Variants in CMBL observed in about 807,000 individuals in gnomAD.
The protein encoded by CMBL is carboxymethylenebutenolidase homolog (Pseudomonas).
CMBL carries 17 observed loss-of-function variants against 28.7 expected under a neutral mutation model. The ratio of observed to expected loss-of-function variants is 0.59; its 90% CI spans 0.41 to 0.89. The LOEUF (loss-of-function observed/expected upper bound fraction) is 0.89. Among genes scored for constraint, CMBL ranks in the 40% least tolerant of loss-of-function variants. CMBL has a pLI of 0.00. For missense variants in CMBL, 310 were observed against 298.5 expected (o/e 1.04, Z -0.28); for synonymous variants, 106 against 101.6 (o/e 1.04, Z -0.26).
At position 10,278,748 on chromosome 5, in the gene CMBL, G is replaced by A. The variant is rs538544735; in HGVS notation, c.*1705C>T. 5.9e-5 allele frequency among the ~76,000 whole-genome samples: 9 copies of A among 152,088 alleles called. No homozygotes were observed. Among genetic ancestry groups the A allele is most frequent in the Middle Eastern group, 3.4e-3 (1 of 294 alleles). On this transcript the variant is annotated 3_prime_UTR_variant, in exon 6 of 6. Coordinates refer to ENST00000296658, the MANE Select transcript of CMBL (RefSeq NM_138809.4). Reference sequence around the variant, plus strand: ...TCTACCCCATCCTAACTTCTTTCCCGGTCAGGGCTCTCCGGGAGAGTGGCT... The same window carrying A: ...TCTACCCCATCCTAACTTCTTTCCCAGTCAGGGCTCTCCGGGAGAGTGGCT...
In CMBL at chr5:10,286,127, A is replaced by G. The variant is rs963612635; in HGVS notation, c.466+227T>C. 8.3e-5 allele frequency: 35 copies of G among 423,920 alleles called. 1 individual carries two copies. The highest frequency in any genetic ancestry group is 1.2e-3 in the Middle Eastern group (2 of 1,688). 26.3% of individuals were successfully genotyped at this position (423,920 alleles called of 1,614,324 possible). A position where few individuals can be genotyped will look rare whatever the true frequency, so the allele number is the denominator to read the frequency against. ...GAATTTAGATTAGGTGGCTTTCCCA[A>G]AGTCACACCACTGGGACCCAGACCT... is the stretch of plus-strand genomic sequence containing the variant. On this transcript the variant is annotated intron_variant, in intron 4 of 5. Coordinates refer to ENST00000296658, the MANE Select transcript of CMBL (RefSeq NM_138809.4).
rs781421726 is a variant in CMBL, at chr5:10,290,721, G to C, written c.42C>G (p.His14Gln). 1 of 1,614,084 alleles carries C rather than the reference G, an allele frequency of 6.2e-7. No homozygotes were observed. The highest frequency in any genetic ancestry group is 2.2e-5 in the East Asian group (1 of 44,898). ...GGCCTAGCCCTCCATACTCAAGTCT[G>C]TGGCCAATGTCACACGGACAAGGAT... ...EAYPCPCDIG[H>Q]RLEYGGLGRE... The change falls in exon 2 of 6, where the codon CAC becomes CAG. Residue 14 changes from histidine (H) to glutamine (Q), a missense_variant. Transcript: ENST00000296658.
intron 2 of CMBL, 106 bp downstream of exon 2, chr5:10,290,442 T>C (rs1162571219): frequency 6.7e-6 from 6 of 892,396 alleles, no homozygotes; most frequent in African/African-American, 5.0e-5. Context: ...TAATGTACAG[T>C]AGATACTGTA....
At chr5:10,290,350 T>C in intron 2 of CMBL, 198 bp downstream of exon 2, 1 of 583,150 alleles carries the variant, frequency 1.7e-6, no homozygotes, top group Non-Finnish European at 3.0e-6. Context: ...AACCCAGGAA[T>C]GGGGTTAGGA....
chr5:10,291,783 C>G (rs1474710018), intron 1 of CMBL, among the ~76,000 whole-genome samples: 2 of 152,184 alleles, frequency 1.3e-5, no homozygotes, highest in Admixed American at 1.3e-4. Context: ...AGTGAACTGC[C>G]TGGAACACCA....
At chr5:10,306,832 C>A (rs552396922) in intron 1 of CMBL, among the ~76,000 whole-genome samples, 1 of 152,186 alleles carries the variant, frequency 6.6e-6, no homozygotes, top group African/African-American at 2.4e-5. Context: ...GACATGCCAA[C>A]GACGCCCCTG....
intron 1 of CMBL, among the ~76,000 whole-genome samples, chr5:10,301,073 T>G (rs1746890034): frequency 6.6e-6 from 1 of 151,888 alleles, no homozygotes; most frequent in Non-Finnish European, 1.5e-5. Flanking sequence ...TTAGGACAAT[T>G]GGTTACCGGG....
At chr5:10,298,647 C>T (rs1027525130) in intron 1 of CMBL, among the ~76,000 whole-genome samples, 4 of 152,188 alleles carry the variant, frequency 2.6e-5, no homozygotes, top group Admixed American at 2.6e-4. Flanking sequence ...AATCCCAGCA[C>T]TCTGGGAGGC....
chr5:10,300,909 A>C (rs1746888053), intron 1 of CMBL, among the ~76,000 whole-genome samples: 1 of 149,982 alleles, frequency 6.7e-6, no homozygotes, highest in South Asian at 2.1e-4. Context: ...AATCTCAAAG[A>C]CATAATGCTA....
chr5:10,303,206 T>A (rs923218373), intron 1 of CMBL, among the ~76,000 whole-genome samples: 1 of 152,186 alleles, frequency 6.6e-6, no homozygotes, highest in South Asian at 2.1e-4. Flanking sequence ...GATCTTTGAG[T>A]TGTCCCACCT....
intron 2 of CMBL, 49 bp downstream of exon 2, chr5:10,290,499 C>T (rs1172040580): frequency 6.6e-7 from 1 of 1,504,738 alleles, no homozygotes; most frequent in Admixed American, 1.7e-5. Context: ...CAAAATAAAC[C>T]ACTGAAATTT....
intron 3 of CMBL, among the ~76,000 whole-genome samples, chr5:10,287,375 A>C (rs1254256430): frequency 6.6e-6 from 1 of 152,070 alleles, no homozygotes; most frequent in Non-Finnish European, 1.5e-5. Flanking sequence ...AAGGGAAGTA[A>C]CTCAGGAATG....
At chr5:10,294,176 G>T (rs149283836) in intron 1 of CMBL, among the ~76,000 whole-genome samples, 22 of 152,348 alleles carry the variant, frequency 1.4e-4, no homozygotes, top group Admixed American at 5.9e-4. Context: ...GCAGAGAATA[G>T]TGTGAGTTCC....
chr5:10,285,700 C>CTTTTTCTT (rs1746587979), intron 4 of CMBL, among the ~76,000 whole-genome samples: 2 of 133,706 alleles, frequency 1.5e-5, no homozygotes, highest in Admixed American at 1.5e-4. Context: ...CTTTCTTTTT[C>CTTTTTCTT]TTTTTTTTTT....
intron 1 of CMBL, among the ~76,000 whole-genome samples, chr5:10,292,681 G>A (rs530695186): frequency 1.3e-3 from 195 of 152,104 alleles, no homozygotes; most frequent in African/African-American, 4.3e-3. Context: ...AAAGTTAGCC[G>A]GGTGTGGTGG....
At chr5:10,281,999 A>G (rs1249714899) in intron 5 of CMBL, among the ~76,000 whole-genome samples, 198 bp downstream of exon 5, 1 of 151,602 alleles carries the variant, frequency 6.6e-6, no homozygotes, top group Non-Finnish European at 1.5e-5. Context: ...GTCTCTACTA[A>G]AAATACAAAA....
At position 10,280,362 on chromosome 5, in the gene CMBL, A is replaced by C. The variant is rs1176934169; in HGVS notation, c.*91T>G. ...ATTTTAGGATTCCTACACTTATTTTATAAAAGTGAAAATTAAATCAAATGA... is the reference window on the plus strand; with the variant it reads ...ATTTTAGGATTCCTACACTTATTTTCTAAAAGTGAAAATTAAATCAAATGA... On this transcript the variant is annotated 3_prime_UTR_variant, in exon 6 of 6. Transcript: ENST00000296658. 1.0e-6 allele frequency: 1 copy of C among 988,688 alleles called. No individual in the cohort carries two copies. The highest frequency in any genetic ancestry group is 1.5e-6 in the Non-Finnish European group (1 of 686,192). The allele number at this position is 988,688 out of a possible 1,614,324, so 61.2% of individuals were successfully genotyped here.
At position 10,283,502 on chromosome 5, in the gene CMBL, G is replaced by A. The variant is rs897774974; in HGVS notation, c.467-1214C>T. Among the ~76,000 whole-genome samples the A allele has an allele frequency of 2.0e-5, 3 of 152,206 alleles. No homozygotes were observed. The South Asian group carries it at 6.2e-4, about 31-fold the overall frequency. ...TCTATAAAAATCAGTTTTTGGCCGG[G>A]CGAGGTGGCTCACACCTGTAATCCC... On this transcript the variant is annotated intron_variant, in intron 4 of 5. Transcript: ENST00000296658.
In CMBL at chr5:10,279,582, T is replaced by A. The variant is rs975288375; in HGVS notation, c.*871A>T. 6.6e-6 allele frequency: 1 copy of A among 151,396 alleles called. No homozygotes were observed. The highest frequency in any genetic ancestry group is 1.5e-5 in the Non-Finnish European group (1 of 67,940). The allele number at this position is 151,396 out of a possible 1,614,324, so 9.4% of individuals were successfully genotyped here. On this transcript the variant is annotated 3_prime_UTR_variant, in exon 6 of 6. Coordinates refer to ENST00000296658, the MANE Select transcript of CMBL (RefSeq NM_138809.4). The stretch of plus-strand genomic sequence containing the variant: ...TTTGAGACAGAGTCTCCCTCTGTTG[T>A]CCAGGCTGGAGTGCAGTAGCGCAAC...
Sources: gnomAD v4.1 joint callset for allele counts (sites outside exome capture counted in the v4.1 genomes callset) on GRCh38, gnomAD v4.1.1 for gene constraint, MANE v1.5 for transcripts, NCBI Gene and HGNC (gene_info 2026-07-23, HGNC 2026-07-21) for gene names.